The following SCHIP1 variants were observed in gnomAD, a reference collection of about 807,000 sequenced individuals.
The protein encoded by SCHIP1 is schwannomin-interacting protein 1.
SCHIP1 carries 8 observed loss-of-function variants against 29.7 expected under a neutral mutation model. The ratio of observed to expected loss-of-function variants is 0.27; its 90% CI spans 0.16 to 0.49. SCHIP1 has a LOEUF of 0.49. Ranked by LOEUF, SCHIP1 falls within the 20% of genes least tolerant of loss-of-function variation. SCHIP1 has a pLI of 0.99. For synonymous variants in SCHIP1, 76 were observed against 94.9 expected, an observed-to-expected ratio of 0.80 and a Z score of 1.16; for missense variants, 193 against 294.6, an observed-to-expected ratio of 0.66 and a Z score of 2.52.
At chr3:159,868,047 A>C (rs1166431539) in intron 2 of SCHIP1, among the ~76,000 whole-genome samples, 1 of 136,950 alleles carries the variant, frequency 7.3e-6, no homozygotes, top group African/African-American at 2.6e-5. Context: ...ACACACACAT[A>C]TACCTATGTA....
At chr3:159,714,447 C>T in the SCHIP1 span, among the ~76,000 whole-genome samples, 1 of 152,200 alleles carries the variant, frequency 6.6e-6, no homozygotes, top group African/African-American at 2.4e-5. Flanking sequence ...AAGGCATTTC[C>T]TCACCCGGGA....
the SCHIP1 span, among the ~76,000 whole-genome samples, chr3:159,616,605 G>A: frequency 0.063 from 9,561 of 152,270 alleles, 1,012 homozygotes; most frequent in African/African-American, 0.21. Flanking sequence ...ATTATTGGTT[G>A]ATAGAAGACT....
the SCHIP1 span, among the ~76,000 whole-genome samples, chr3:159,340,299 T>A: frequency 6.6e-6 from 1 of 152,074 alleles, no homozygotes; most frequent in Non-Finnish European, 1.5e-5. Context: ...ATAGATGAAC[T>A]AACAGAAAAA....
the SCHIP1 span, among the ~76,000 whole-genome samples, chr3:159,803,004 A>G: frequency 6.6e-6 from 1 of 152,206 alleles, no homozygotes; most frequent in East Asian, 1.9e-4. Flanking sequence ...GAAGAAGAAG[A>G]ACACATCTCC....
chr3:159,398,521 G>A, the SCHIP1 span, among the ~76,000 whole-genome samples: 1 of 152,128 alleles, frequency 6.6e-6, no homozygotes, highest in African/African-American at 2.4e-5. Flanking sequence ...AGTAACTATG[G>A]CAGTAGCATG....
At chr3:159,588,929 T>C in the SCHIP1 span, among the ~76,000 whole-genome samples, 2 of 152,216 alleles carry the variant, frequency 1.3e-5, no homozygotes, top group Admixed American at 6.5e-5. Flanking sequence ...TGGCTTAGGA[T>C]TGTCTTGGCA....
At chr3:159,614,806 T>A in the SCHIP1 span, among the ~76,000 whole-genome samples, 3 of 152,186 alleles carry the variant, frequency 2.0e-5, no homozygotes, top group Admixed American at 2.0e-4. Flanking sequence ...GGAATCGACT[T>A]TTGTTCGTTT....
the SCHIP1 span, among the ~76,000 whole-genome samples, chr3:159,655,876 G>A: frequency 1.3e-5 from 2 of 152,190 alleles, no homozygotes; most frequent in Non-Finnish European, 2.9e-5. Context: ...GTGGCAGAGT[G>A]AGACTCCGTC....
chr3:159,541,985 C>G, the SCHIP1 span, among the ~76,000 whole-genome samples: 1 of 152,168 alleles, frequency 6.6e-6, no homozygotes, highest in African/African-American at 2.4e-5. Flanking sequence ...CTATGATGCT[C>G]TAGCATGAAA....
At chr3:159,510,370 T>C in the SCHIP1 span, among the ~76,000 whole-genome samples, 5 of 152,224 alleles carry the variant, frequency 3.3e-5, no homozygotes, top group East Asian at 9.6e-4. Flanking sequence ...CCCATTCGTC[T>C]AATCTTTTTT....
chr3:159,806,156 C>T, the SCHIP1 span, among the ~76,000 whole-genome samples: 1 of 152,198 alleles, frequency 6.6e-6, no homozygotes, highest in Non-Finnish European at 1.5e-5. Context: ...TGTTTTGAAG[C>T]TGCATGTTAT....
chr3:159,802,633 G>A, the SCHIP1 span, among the ~76,000 whole-genome samples: 5 of 152,306 alleles, frequency 3.3e-5, no homozygotes, highest in East Asian at 9.6e-4. Flanking sequence ...TTGTGAGTGG[G>A]ATTTTGGGAG....
the SCHIP1 span, among the ~76,000 whole-genome samples, chr3:159,392,507 G>A: frequency 5.6e-5 from 8 of 142,534 alleles, no homozygotes; most frequent in South Asian, 2.2e-4. Flanking sequence ...CCCTTCCTGC[G>A]TCCATGTGAT....
chr3:159,395,821 A>T, the SCHIP1 span, among the ~76,000 whole-genome samples: 2 of 151,862 alleles, frequency 1.3e-5, no homozygotes, highest in African/African-American at 4.8e-5. Flanking sequence ...AGAGTTCTGT[A>T]GATGTCTATT....
At chr3:159,761,552 G>A in the SCHIP1 span, among the ~76,000 whole-genome samples, 1 of 152,178 alleles carries the variant, frequency 6.6e-6, no homozygotes, top group Admixed American at 6.5e-5. Context: ...CTGGGCCTAG[G>A]AGTTGGCAGG....
chr3:159,586,961 G>C, the SCHIP1 span, among the ~76,000 whole-genome samples: 1 of 152,154 alleles, frequency 6.6e-6, no homozygotes, highest in Non-Finnish European at 1.5e-5. Flanking sequence ...TATCATATAC[G>C]TGTCAGCAGA....
the SCHIP1 span, chr3:159,764,444 A>C: frequency 5.0e-6 from 8 of 1,588,050 alleles, no homozygotes; most frequent in Non-Finnish European, 6.8e-6. This position sits in a 1 kb window ranked among gnomAD's most constrained non-coding sequence, Gnocchi z 6.1. Context: ...TCCCCCTAGG[A>C]TTACCGAGAG....
At chr3:159,273,786 C>G in the SCHIP1 span, 5 of 1,611,394 alleles carry the variant, frequency 3.1e-6, no homozygotes, top group Non-Finnish European at 4.2e-6. Context: ...AACAACTCTT[C>G]CCTCTCAAAT....
At chr3:159,305,483 G>C in the SCHIP1 span, among the ~76,000 whole-genome samples, 1 of 152,022 alleles carries the variant, frequency 6.6e-6, no homozygotes, top group Non-Finnish European at 1.5e-5. Context: ...AGAAAGTATT[G>C]CTCCTTTTTC....
Sources: gnomAD v4.1 joint callset for allele counts (sites outside exome capture counted in the v4.1 genomes callset) on GRCh38, gnomAD v4.1.1 for gene constraint, Gnocchi (gnomAD v3.1) non-coding constraint, MANE v1.5 for transcripts, NCBI Gene and HGNC (gene_info 2026-07-23, HGNC 2026-07-21) for gene names.